CEP72: variants seen among roughly 807,000 people sequenced by gnomAD.
The protein encoded by CEP72 is centrosomal protein 72.
A neutral mutation model predicts 65.7 loss-of-function variants in CEP72; 78 were observed. The ratio of observed to expected loss-of-function variants is 1.19; its 90% CI spans 0.99 to 1.43. The LOEUF (loss-of-function observed/expected upper bound fraction) is 1.43. CEP72 is among the 40% of genes most tolerant of loss of function. The probability of loss-of-function intolerance (pLI) is 0.00; values close to 1 mark genes in which losing one functional copy is unlikely to be tolerated. For synonymous variants in CEP72, 358 were observed against 351.7 expected, an observed-to-expected ratio of 1.02 and a Z score of -0.20; for missense variants, 914 against 832.9, an observed-to-expected ratio of 1.10 and a Z score of -1.20.
chr5:633,724 T>C (rs775170882), intron 4 of CEP72, 45 bp from the exon 5 acceptor site: 6 of 1,589,640 alleles, frequency 3.8e-6, no homozygotes, highest in African/African-American at 1.3e-5. Context: ...GGCCGGAGCA[T>C]ATGGCTGGCT....
chr5:656,157 G>A (rs766256361), downstream of CEP72, among the ~76,000 whole-genome samples: 2 of 152,052 alleles, frequency 1.3e-5, no homozygotes, highest in Non-Finnish European at 2.9e-5. Flanking sequence ...TCCCAGTCCC[G>A]GCTGCTGAAG....
At chr5:628,715 CCCCCTTCTTT>C (rs1736966660) in intron 4 of CEP72, among the ~76,000 whole-genome samples, 2 of 132,264 alleles carry the variant, frequency 1.5e-5, no homozygotes, top group African/African-American at 6.1e-5. Context: ...CAGGACCCAG[CCCCCTTCTTT>C]GTGCAGCTTC....
intron 4 of CEP72, among the ~76,000 whole-genome samples, chr5:628,775 G>C (rs1050199981): frequency 2.1e-5 from 3 of 140,644 alleles, no homozygotes; most frequent in African/African-American, 7.8e-5. Flanking sequence ...GTGTTCCCAC[G>C]ACCCAGCCCC....
intron 1 of CEP72, 68 bp from the exon 2 acceptor site, chr5:618,922 G>T: frequency 2.3e-6 from 3 of 1,304,642 alleles, no homozygotes; most frequent in South Asian, 1.3e-5. Context: ...CCAACACCAA[G>T]AACTTGACCG....
chr5:616,001 G>T (rs1217872190), intron 1 of CEP72, among the ~76,000 whole-genome samples: 1 of 152,042 alleles, frequency 6.6e-6, no homozygotes, highest in African/African-American at 2.4e-5. Context: ...TATTTCCTCT[G>T]CATACCTTGA....
downstream of CEP72, among the ~76,000 whole-genome samples, chr5:671,582 G>A (rs1740226143): frequency 2.6e-5 from 4 of 152,218 alleles, no homozygotes; most frequent in Admixed American, 1.3e-4. Flanking sequence ...GGTGCCTGTC[G>A]CCGCACAGTG....
rs1266661730 is a variant in CEP72 at position 623,009 on chromosome 5, G to T, written c.404-1462G>T. On this transcript the variant is annotated intron_variant, in intron 3 of 11. Coordinates refer to ENST00000264935, the MANE Select transcript of CEP72 (RefSeq NM_018140.4). The surrounding 1 kb of genome is among the most constrained non-coding windows in gnomAD (Gnocchi z 5.3). ...AGAATCTTAGTGTTTCTGCAGAGAA[G>T]GAGCGCAGCCGTCTCCCCTCTTAGT... Among the ~76,000 whole-genome samples, 3 of 152,176 alleles carry T rather than the reference G, an allele frequency of 2.0e-5. No individual in the cohort carries two copies. Among genetic ancestry groups the T allele is most frequent in the African/African-American group, 4.8e-5 (2 of 41,438 alleles).
downstream of CEP72, among the ~76,000 whole-genome samples, chr5:653,977 C>CTG (rs70955272): frequency 6.7e-4 from 100 of 150,318 alleles, no homozygotes; most frequent in African/African-American, 2.2e-3. Context: ...TGTGCCCTTG[C>CTG]TGTGTGTGTG....
In CEP72 at chr5:636,323, G is replaced by T. The variant is rs145971769; in HGVS notation, c.904+739G>T. Among the ~76,000 whole-genome samples, 906 of 152,334 alleles carry T rather than the reference G, an allele frequency of 5.9e-3. 31 individuals carry two copies. The highest frequency in any genetic ancestry group is 0.051 in the Admixed American group (775 of 15,298). On this transcript the variant is annotated intron_variant, in intron 6 of 11. Coordinates refer to ENST00000264935, the MANE Select transcript of CEP72 (RefSeq NM_018140.4). ...GTTTAGATTCATGGTTGGTAAATAA[G>T]TGCTTTTTCTCTGCACGTGTGTGTG...
Position 641,204 on chromosome 5 carries a change from C to T in CEP72, c.1539+600C>T, listed in dbSNP as rs752953524. 1.6e-4 allele frequency: 156 copies of T among 985,370 alleles called. 1 individual carries two copies. The highest frequency in any genetic ancestry group is 5.2e-4 in the Middle Eastern group (1 of 1,914). 61.0% of individuals were successfully genotyped at this position (985,370 alleles called of 1,614,324 possible). A position where few individuals can be genotyped will look rare whatever the true frequency, so the allele number is the denominator to read the frequency against. On this transcript the variant is annotated intron_variant, in intron 9 of 11. Transcript: ENST00000264935. The stretch of plus-strand genomic sequence containing the variant: ...GCTGGGGCCACCGTCTCATCTGAGG[C>T]CTCACGGGACAGGATCCTCCCAGGC...
At chr5:669,731 C>T (rs959844580), downstream of CEP72, among the ~76,000 whole-genome samples, 48 of 152,148 alleles carry the variant, frequency 3.2e-4, no homozygotes, top group African/African-American at 8.7e-4. Context: ...GCGCGCTCCC[C>T]GAGTGTCTCG....
the CEP72 span, among the ~76,000 whole-genome samples, chr5:672,407 T>C: frequency 6.6e-6 from 1 of 152,170 alleles, no homozygotes; most frequent in African/African-American, 2.4e-5. Flanking sequence ...TGCATTTACT[T>C]GGGAAAATAC....
Position 612,403 on chromosome 5 carries a change from G to A in CEP72, c.42G>A (p.Ala14=). ...CTCGGCTGGTGCTGAGCGAGGAGGC[G>A]GTTCGGGCGAAGAGCGGCTTAGGGC... ...AGPRLVLSEE[A]VRAKSGLGPH... The change falls in exon 1 of 12, where the codon GCG becomes GCA. Residue 14 remains alanine, a synonymous_variant. Coordinates refer to ENST00000264935, the MANE Select transcript of CEP72 (RefSeq NM_018140.4). The A allele has an allele frequency of 6.7e-7, 1 of 1,489,636 alleles. No homozygotes were observed. The highest frequency in any genetic ancestry group is 8.9e-7 in the Non-Finnish European group (1 of 1,125,022). The allele number at this position is 1,489,636 out of a possible 1,614,324, so 92.3% of individuals were successfully genotyped here.
At chr5:644,043 T>G in intron 9 of CEP72, 1 of 417,846 alleles carries the variant, frequency 2.4e-6, no homozygotes, top group East Asian at 5.0e-5. Flanking sequence ...GACTCAGGAG[T>G]GGGGCTCTCA....
chr5:638,600 C>T (rs868140007), intron 7 of CEP72, among the ~76,000 whole-genome samples: 7 of 151,736 alleles, frequency 4.6e-5, no homozygotes, highest in South Asian at 2.1e-4. Flanking sequence ...GCGTGTTTGA[C>T]GTCCCCGGCA....
At chr5:622,134 A>G (rs1736434281) in intron 3 of CEP72, among the ~76,000 whole-genome samples, 2 of 152,238 alleles carry the variant, frequency 1.3e-5, no homozygotes, top group Non-Finnish European at 2.9e-5. Context: ...GAGATGCTGG[A>G]AAGAGCTGTC....
intron 11 of CEP72, among the ~76,000 whole-genome samples, chr5:649,949 C>G (rs866228100): frequency 3.1e-5 from 1 of 32,136 alleles, no homozygotes. Context: ...GACTGTGAGG[C>G]GTGACTGTGA....
At chr5:672,122 G>C (rs1005006426), downstream of CEP72, among the ~76,000 whole-genome samples, 3 of 152,234 alleles carry the variant, frequency 2.0e-5, no homozygotes, top group African/African-American at 7.2e-5. Flanking sequence ...GTTGGCTTCC[G>C]TACTGGGAAC....
intron 2 of CEP72, among the ~76,000 whole-genome samples, chr5:619,516 G>A (rs554215378): frequency 2.6e-5 from 4 of 152,288 alleles, no homozygotes; most frequent in East Asian, 1.9e-4. Flanking sequence ...CCCTGAGCCC[G>A]ATGCCTGAGC....
Sources: gnomAD v4.1 joint callset for allele counts (sites outside exome capture counted in the v4.1 genomes callset) on GRCh38, gnomAD v4.1.1 for gene constraint, Gnocchi (gnomAD v3.1) non-coding constraint, MANE v1.5 for transcripts, NCBI Gene and HGNC (gene_info 2026-07-23, HGNC 2026-07-21) for gene names.